GAB2: variants seen among roughly 807,000 people sequenced by gnomAD.
GAB2 encodes GRB2 associated binding protein 2, also known as GRB2-associated-binding protein 2.
GAB2 carries 26 observed loss-of-function variants against 65.5 expected under a neutral mutation model. That is an observed-to-expected ratio of 0.40 (90% CI 0.29 to 0.55). The LOEUF (loss-of-function observed/expected upper bound fraction) is 0.55. Ranked by LOEUF, GAB2 falls within the 20% of genes least tolerant of loss-of-function variation. The pLI is 0.53. For missense variants in GAB2, 884 were observed against 875.8 expected (o/e 1.01, Z -0.12); for synonymous variants, 321 against 329.6 (o/e 0.97, Z 0.28).
intron 1 of GAB2, among the ~76,000 whole-genome samples, chr11:78,291,900 T>C (rs1866691855): frequency 6.6e-6 from 1 of 152,048 alleles, no homozygotes; most frequent in South Asian, 2.1e-4. Context: ...CATGATATGG[T>C]AACACCTCAT....
chr11:78,227,846 G>A (rs914298719), intron 3 of GAB2, among the ~76,000 whole-genome samples: 19 of 151,954 alleles, frequency 1.3e-4, no homozygotes, highest in African/African-American at 4.1e-4. Flanking sequence ...CTATTCAAAC[G>A]TAAGCTCTAG....
intron 2 of GAB2, among the ~76,000 whole-genome samples, chr11:78,265,547 C>G (rs1288410286): frequency 1.3e-5 from 2 of 152,184 alleles, no homozygotes; most frequent in African/African-American, 4.8e-5. Flanking sequence ...GTTCACTGAC[C>G]TCATCCATAA....
rs113773495 is a variant in GAB2 at position 78,402,747 on chromosome 11, G to A, written c.75+14899C>T. On this transcript the variant is annotated intron_variant, in intron 1 of 9. Coordinates refer to ENST00000361507, the MANE Select transcript of GAB2 (RefSeq NM_080491.3). ...ATTACAGACATGAGCCACTGCGCCC[G>A]GCCATGAGCAGACTTTTAAAAGTCA... 8.1e-3 allele frequency among the ~76,000 whole-genome samples: 1,231 copies of A among 152,096 alleles called. 13 individuals carry two copies. The highest frequency in any genetic ancestry group is 0.027 in the African/African-American group (1,133 of 41,478).
intron 1 of GAB2, among the ~76,000 whole-genome samples, chr11:78,356,389 G>A (rs1565171714): frequency 6.6e-6 from 1 of 152,120 alleles, no homozygotes; most frequent in African/African-American, 2.4e-5. Context: ...TTTTCTTATA[G>A]TATTCTTAAG....
At chr11:78,219,767 T>C (rs568615686) in intron 9 of GAB2, among the ~76,000 whole-genome samples, 1 of 152,262 alleles carries the variant, frequency 6.6e-6, no homozygotes, top group African/African-American at 2.4e-5. Flanking sequence ...AGGAATTTGC[T>C]AGGTGCAAAC....
In GAB2 at chr11:78,280,872, C is replaced by A. The variant is rs148540188; in HGVS notation, c.105G>T (p.Arg35=). ...YAWKKRWFIL[R]SGRMSGDPDV... is the part of the protein sequence containing the mutation. ...CTGGGTCACCGCTCATCCGGCCACT[C>A]CGCAGGATAAACCAGCGTTTCTTCC... Residue 35 remains arginine, a synonymous_variant, in exon 2 of 10, where the codon CGG becomes CGT. Transcript: ENST00000361507. 6.2e-7 allele frequency: 1 copy of A among 1,614,090 alleles called. No individual in the cohort carries two copies. The highest frequency in any genetic ancestry group is 1.3e-5 in the African/African-American group (1 of 75,052).
Position 78,275,435 on chromosome 11 carries a change from T to TAA in GAB2, c.376+5164_376+5165dup, listed in dbSNP as rs150524849. ...TTCTCCTCAGATCCCAATTCTCAGT[T>TAA]AAAAAAAAAACACTGAATGAATTAT... On this transcript the variant is annotated intron_variant, in intron 2 of 9. Coordinates refer to ENST00000361507, the MANE Select transcript of GAB2 (RefSeq NM_080491.3). Among the ~76,000 whole-genome samples, 1,419 of 148,932 alleles carry TAA rather than the reference T, an allele frequency of 9.5e-3. 31 individuals are homozygous for TAA. Among genetic ancestry groups the TAA allele is most frequent in the African/African-American group, 0.033 (1,355 of 40,896 alleles).
intron 6 of GAB2, among the ~76,000 whole-genome samples, chr11:78,222,954 G>A (rs1017935245): frequency 2.6e-5 from 4 of 152,140 alleles, no homozygotes; most frequent in African/African-American, 4.8e-5. Flanking sequence ...TGGCCAGGTC[G>A]GTGCAAGCCA....
intron 1 of GAB2, among the ~76,000 whole-genome samples, chr11:78,405,241 G>A (rs1857028269): frequency 6.6e-6 from 1 of 151,982 alleles, no homozygotes; most frequent in Non-Finnish European, 1.5e-5. Context: ...TGGAACTACA[G>A]GTGCCTGCCA....
chr11:78,385,341 G>T (rs1203518285), intron 1 of GAB2, among the ~76,000 whole-genome samples: 1 of 152,158 alleles, frequency 6.6e-6, no homozygotes, highest in Non-Finnish European at 1.5e-5. Flanking sequence ...AGTTAGCTCA[G>T]ATCTTATTAA....
chr11:78,322,931 A>C (rs1277981285), intron 1 of GAB2, among the ~76,000 whole-genome samples: 5 of 152,238 alleles, frequency 3.3e-5, no homozygotes, highest in Admixed American at 6.5e-5. Context: ...AAGACTAAAA[A>C]TAGAACTACC....
At chr11:78,273,804 G>A (rs911224632) in intron 2 of GAB2, among the ~76,000 whole-genome samples, 1 of 152,152 alleles carries the variant, frequency 6.6e-6, no homozygotes, top group African/African-American at 2.4e-5. Flanking sequence ...AGGACCTGCT[G>A]GGAGGTAAGT....
intron 1 of GAB2, among the ~76,000 whole-genome samples, chr11:78,417,288 C>T (rs912591742): frequency 2.0e-5 from 3 of 151,906 alleles, no homozygotes; most frequent in African/African-American, 7.2e-5. Flanking sequence ...TGAAGCTGCT[C>T]GGGGCTGCCG....
intron 2 of GAB2, among the ~76,000 whole-genome samples, chr11:78,272,845 G>A (rs1184610569): frequency 1.3e-5 from 2 of 152,192 alleles, no homozygotes; most frequent in Admixed American, 6.5e-5. Flanking sequence ...CCGGGCCCAG[G>A]GTCCCTCTGC....
In GAB2 at chr11:78,336,326, C is replaced by CAAAAAAAA. The variant is rs71046966; in HGVS notation, c.76-55433_76-55426dup. ...CGGGCGACAGAGCGAGACTGTCTCT[C>CAAAAAAAA]AAAAAAAAAAAAAAAAAAAAAAAAA... On this transcript the variant is annotated intron_variant, in intron 1 of 9. Coordinates refer to ENST00000361507, the MANE Select transcript of GAB2 (RefSeq NM_080491.3). 4.7e-4 allele frequency among the ~76,000 whole-genome samples: 9 copies of CAAAAAAAA among 19,258 alleles called. 1 individual carries two copies. Among genetic ancestry groups the CAAAAAAAA allele is most frequent in the Non-Finnish European group, 6.9e-4 (6 of 8,642 alleles). 12.6% of individuals were successfully genotyped at this position (19,258 alleles called of 152,430 possible). A position where few individuals can be genotyped will look rare whatever the true frequency, so the allele number is the denominator to read the frequency against.
chr11:78,362,209 G>T (rs1856443708), intron 1 of GAB2, among the ~76,000 whole-genome samples: 1 of 151,790 alleles, frequency 6.6e-6, no homozygotes, highest in Admixed American at 6.6e-5. Context: ...ATGTTAACAG[G>T]CCAACATACA....
intron 1 of GAB2, among the ~76,000 whole-genome samples, chr11:78,335,806 A>T (rs913733429): frequency 6.6e-6 from 1 of 152,158 alleles, no homozygotes; most frequent in Non-Finnish European, 1.5e-5. Context: ...GAATGCATTG[A>T]ATCTATAGAT....
chr11:78,302,572 G>A (rs1362585934), intron 1 of GAB2, among the ~76,000 whole-genome samples: 1 of 151,452 alleles, frequency 6.6e-6, no homozygotes, highest in Non-Finnish European at 1.5e-5. Flanking sequence ...CTTCCACACA[G>A]CTGGTGGGAA....
At chr11:78,267,431 T>G (rs1288810748) in intron 2 of GAB2, among the ~76,000 whole-genome samples, 1 of 152,202 alleles carries the variant, frequency 6.6e-6, no homozygotes, top group African/African-American at 2.4e-5. Context: ...TGCCTCTTTG[T>G]TTATACACTT....
Sources: allele counts gnomAD v4.1 joint callset (sites outside exome capture counted in the v4.1 genomes callset), GRCh38; gene constraint gnomAD v4.1.1; transcripts MANE v1.5; gene names NCBI Gene and HGNC (gene_info 2026-07-23, HGNC 2026-07-21).